SPATA6L: variants seen among roughly 807,000 people sequenced by gnomAD.
The protein encoded by SPATA6L is spermatogenesis associated 6-like protein.
SPATA6L carries 68 observed loss-of-function variants against 49.2 expected under a neutral mutation model. The ratio of observed to expected loss-of-function variants is 1.38; its 90% CI spans 1.14 to 1.69. The LOEUF (loss-of-function observed/expected upper bound fraction) is 1.69. SPATA6L is among the 40% of genes most tolerant of loss of function. The pLI is 0.00. For missense variants in SPATA6L, 668 were observed against 464.3 expected, an observed-to-expected ratio of 1.44 and a Z score of -4.03; for synonymous variants, 198 against 165.7, an observed-to-expected ratio of 1.19 and a Z score of -1.50.
intron 3 of SPATA6L, among the ~76,000 whole-genome samples, chr9:4,636,842 C>T (rs1329183439): frequency 6.6e-6 from 1 of 152,128 alleles, no homozygotes; most frequent in African/African-American, 2.4e-5. Context: ...CGTGTGCTCC[C>T]AGCCACGCTC....
chr9:4,602,196 T>A (rs1823493639), intron 11 of SPATA6L, among the ~76,000 whole-genome samples: 1 of 152,016 alleles, frequency 6.6e-6, no homozygotes, highest in Non-Finnish European at 1.5e-5. Flanking sequence ...TGTCCACATA[T>A]CAGCTGGTTC....
chr9:4,602,111 G>C (rs1241368356), intron 11 of SPATA6L, among the ~76,000 whole-genome samples: 1 of 151,538 alleles, frequency 6.6e-6, no homozygotes, highest in Non-Finnish European at 1.5e-5. Context: ...TGTTGTGTGG[G>C]AAACCTATTT....
chr9:4,591,693 C>T (rs1051182398), intron 13 of SPATA6L, among the ~76,000 whole-genome samples: 5 of 152,184 alleles, frequency 3.3e-5, no homozygotes, highest in Non-Finnish European at 7.4e-5. Context: ...AGGCTCTCTG[C>T]TCCATCAGAA....
intron 13 of SPATA6L, among the ~76,000 whole-genome samples, chr9:4,591,666 C>T (rs1357112915): frequency 6.6e-6 from 1 of 152,190 alleles, no homozygotes; most frequent in Non-Finnish European, 1.5e-5. Flanking sequence ...GTCAACTTCA[C>T]ATGAATCACA....
intron 3 of SPATA6L, among the ~76,000 whole-genome samples, chr9:4,640,779 C>A (rs1366183830): frequency 2.0e-5 from 3 of 152,156 alleles, no homozygotes; most frequent in East Asian, 3.9e-4. Context: ...TTATTTTGAG[C>A]AATTCAAATT....
In SPATA6L at chr9:4,611,129, A is replaced by G. The variant is rs1465551568; in HGVS notation, c.996-5689T>C. On this transcript the variant is annotated intron_variant, in intron 9 of 11. Coordinates refer to ENST00000682582, the MANE Select transcript of SPATA6L (RefSeq NM_001353486.2). ...TCTCACACCAGTTAGAATGGCAATC[A>G]TTAAAAAGTCAGGAAACAACAGGTG... 5.4e-5 allele frequency among the ~76,000 whole-genome samples: 8 copies of G among 148,960 alleles called. 1 individual carries two copies. Among genetic ancestry groups the G allele is most frequent in the South Asian group, 4.2e-4 (2 of 4,800 alleles).
At chr9:4,651,064 A>G (rs947071757) in intron 3 of SPATA6L, among the ~76,000 whole-genome samples, 2 of 152,014 alleles carry the variant, frequency 1.3e-5, no homozygotes, top group Non-Finnish European at 2.9e-5. Context: ...GTAGAGTGGT[A>G]CGATCACAGC....
intron 9 of SPATA6L, among the ~76,000 whole-genome samples, chr9:4,614,332 A>G (rs2130301569): frequency 6.6e-6 from 1 of 152,322 alleles, no homozygotes; most frequent in Non-Finnish European, 1.5e-5. Flanking sequence ...TTTGTCTCCC[A>G]ACTCATCCTT....
Position 4,662,492 on chromosome 9 carries a change from G to A in SPATA6L, c.40-456C>T. On this transcript the variant is annotated intron_variant, in intron 1 of 11. Transcript: ENST00000682582. This position sits in a 1 kb window ranked among gnomAD's most constrained non-coding sequence, Gnocchi z 4.9. ...GCGGTGGCGGCGGCAGCAGGTTTGAGTTCCAGTCCCTGCTCAGCAGCCGCG... is the reference window on the plus strand; with the variant it reads ...GCGGTGGCGGCGGCAGCAGGTTTGAATTCCAGTCCCTGCTCAGCAGCCGCG... 1.9e-6 allele frequency: 3 copies of A among 1,558,446 alleles called. No homozygotes were observed. Among genetic ancestry groups the A allele is most frequent in the Non-Finnish European group, 2.6e-6 (3 of 1,161,658 alleles).
intron 3 of SPATA6L, among the ~76,000 whole-genome samples, chr9:4,641,687 C>A (rs760609861): frequency 6.6e-6 from 1 of 152,118 alleles, no homozygotes; most frequent in Non-Finnish European, 1.5e-5. Context: ...ATAGGGTATG[C>A]GCGTGCATGT....
At chr9:4,616,868 A>G (rs969013874) in intron 9 of SPATA6L, among the ~76,000 whole-genome samples, 1 of 152,198 alleles carries the variant, frequency 6.6e-6, no homozygotes, top group Non-Finnish European at 1.5e-5. Context: ...TATAGGCATG[A>G]GCCACCGTGC....
intron 4 of SPATA6L, among the ~76,000 whole-genome samples, chr9:4,631,864 T>A (rs1331943061): frequency 6.6e-6 from 1 of 152,136 alleles, no homozygotes; most frequent in African/African-American, 2.4e-5. Context: ...TCACCAGTTC[T>A]GTGACCCTGA....
intron 3 of SPATA6L, among the ~76,000 whole-genome samples, chr9:4,645,992 C>T (rs887081969): frequency 6.6e-6 from 1 of 152,090 alleles, no homozygotes; most frequent in African/African-American, 2.4e-5. Flanking sequence ...TGATTTAAAT[C>T]GCAATAAAAA....
rs557045378 is a variant in SPATA6L at position 4,647,952 on chromosome 9, A to G, written c.226+8089T>C. On this transcript the variant is annotated intron_variant, in intron 3 of 11. Transcript: ENST00000682582. ...CAGGTTCAAGCGATTCTCCTGCCTC[A>G]GCCTCTCGAGTAGCTGGGACTACAG... Among the ~76,000 whole-genome samples, 90 of 151,804 alleles carry G rather than the reference A, an allele frequency of 5.9e-4. No individual in the cohort carries two copies. The South Asian group carries it at 0.016, about 27-fold the overall frequency.
chr9:4,638,226 T>G (rs1292448899), intron 3 of SPATA6L, among the ~76,000 whole-genome samples: 6 of 150,788 alleles, frequency 4.0e-5, no homozygotes, highest in Middle Eastern at 3.4e-3. Context: ...ATTATTATTT[T>G]TTGAGACGGA....
At chr9:4,651,672 C>T (rs1323375459) in intron 3 of SPATA6L, among the ~76,000 whole-genome samples, 1 of 141,582 alleles carries the variant, frequency 7.1e-6, no homozygotes, top group East Asian at 2.2e-4. Context: ...CTAAAAATCA[C>T]ATATCAATGA....
intron 11 of SPATA6L, among the ~76,000 whole-genome samples, chr9:4,601,282 G>A (rs535536943): frequency 4.6e-5 from 7 of 150,960 alleles, no homozygotes; most frequent in Non-Finnish European, 8.8e-5. Context: ...TCTGTAATTT[G>A]GCACTGCACA....
At chr9:4,603,947 G>A (rs143414941) in intron 11 of SPATA6L, among the ~76,000 whole-genome samples, 1 of 152,316 alleles carries the variant, frequency 6.6e-6, no homozygotes, top group Non-Finnish European at 1.5e-5. Context: ...TTAGATAAAG[G>A]GTGATGTTGC....
At chr9:4,656,449 G>GA (rs1563716142) in intron 2 of SPATA6L, among the ~76,000 whole-genome samples, 1 of 85,016 alleles carries the variant, frequency 1.2e-5, no homozygotes, top group Non-Finnish European at 2.2e-5. Context: ...AGAAAGGAAG[G>GA]AAGGAAGGAA....
Sources: gnomAD v4.1 joint callset for allele counts (sites outside exome capture counted in the v4.1 genomes callset) on GRCh38, gnomAD v4.1.1 for gene constraint, Gnocchi (gnomAD v3.1) non-coding constraint, MANE v1.5 for transcripts, NCBI Gene and HGNC (gene_info 2026-07-23, HGNC 2026-07-21) for gene names.